Variants in NRXN3 observed in about 807,000 individuals in gnomAD.
NRXN3 encodes neurexin 3.
NRXN3 carries 32 observed loss-of-function variants against 137.6 expected under a neutral mutation model. That is an observed-to-expected ratio of 0.23 (90% CI 0.18 to 0.31). NRXN3 has a LOEUF of 0.31. Among genes scored for constraint, NRXN3 ranks in the 10% least tolerant of loss-of-function variants. NRXN3 has a pLI of 1.00. For synonymous variants in NRXN3, 798 were observed against 784.5 expected (o/e 1.02, Z -0.29); for missense variants, 1,574 against 2,062.5 (o/e 0.76, Z 4.59).
intron 20 of NRXN3, among the ~76,000 whole-genome samples, chr14:79,853,338 T>G (rs1160139839): frequency 6.6e-6 from 1 of 152,202 alleles, no homozygotes; most frequent in Non-Finnish European, 1.5e-5. Flanking sequence ...TTTGGCTATT[T>G]TTAGTAGGAA....
At chr14:78,735,717 C>A (rs750941028) in intron 8 of NRXN3, among the ~76,000 whole-genome samples, 6 of 152,128 alleles carry the variant, frequency 3.9e-5, no homozygotes, top group Non-Finnish European at 7.3e-5. Context: ...CAGTTGATAT[C>A]TTTAATTCAT....
intron 17 of NRXN3, 66 bp downstream of exon 17, chr14:79,664,015 T>C: frequency 3.3e-6 from 5 of 1,526,716 alleles, no homozygotes; most frequent in Non-Finnish European, 4.5e-6. Flanking sequence ...TCAGTGGTGA[T>C]TTTTCTCATG....
At chr14:79,734,330 G>A (rs924770361) in intron 19 of NRXN3, among the ~76,000 whole-genome samples, 6 of 152,140 alleles carry the variant, frequency 3.9e-5, no homozygotes, top group African/African-American at 1.4e-4. Flanking sequence ...GTGTCAACTT[G>A]GGAATGCTGA....
intron 8 of NRXN3, among the ~76,000 whole-genome samples, chr14:78,734,664 G>T (rs77711568): frequency 6.6e-6 from 1 of 152,300 alleles, no homozygotes; most frequent in Non-Finnish European, 1.5e-5. Flanking sequence ...CAGCTCCAGA[G>T]GGAATGATGC....
intron 4 of NRXN3, among the ~76,000 whole-genome samples, chr14:78,569,915 C>T (rs1161401034): frequency 6.6e-6 from 1 of 152,242 alleles, no homozygotes; most frequent in Non-Finnish European, 1.5e-5. Flanking sequence ...GCAGTTCTAA[C>T]AGTTGCTCAA....
At chr14:78,190,747 C>T (rs770451931) in intron 1 of NRXN3, among the ~76,000 whole-genome samples, 13 of 152,126 alleles carry the variant, frequency 8.5e-5, no homozygotes, top group African/African-American at 1.4e-4. Flanking sequence ...GATCTTGGCT[C>T]ACTGCAACCT....
At chr14:79,479,625 G>A (rs2096589585) in intron 16 of NRXN3, among the ~76,000 whole-genome samples, 1 of 152,004 alleles carries the variant, frequency 6.6e-6, no homozygotes, top group African/African-American at 2.4e-5. Flanking sequence ...ACTAGAGAAT[G>A]GAACACAGAA....
chr14:79,308,673 G>C lies in NRXN3; in HGVS notation c.3263-158548G>C, dbSNP rs899359517. 5.3e-5 allele frequency among the ~76,000 whole-genome samples: 8 copies of C among 151,966 alleles called. No individual in the cohort carries two copies. In the East Asian group the frequency reaches 1.6e-3, roughly 29 times the overall value. ...GAAAGATTTGATGTCTTGTGGAATG[G>C]TCTGAGAACCAGATGGAAGCTAGAT... On this transcript the variant is annotated intron_variant, in intron 15 of 20. Transcript: ENST00000335750.
chr14:78,191,139 G>T (rs2060690513), intron 1 of NRXN3, among the ~76,000 whole-genome samples: 2 of 152,128 alleles, frequency 1.3e-5, no homozygotes, highest in African/African-American at 4.8e-5. Context: ...CAGAAGAACT[G>T]TGTGTTTCAT....
At chr14:78,790,181 A>G (rs894773662) in intron 8 of NRXN3, among the ~76,000 whole-genome samples, 5 of 152,236 alleles carry the variant, frequency 3.3e-5, no homozygotes, top group Non-Finnish European at 7.3e-5. Flanking sequence ...TGGTAAATTG[A>G]AATTCTATTA....
At chr14:78,711,369 A>G (rs1370309799) in intron 7 of NRXN3, among the ~76,000 whole-genome samples, 1 of 150,802 alleles carries the variant, frequency 6.6e-6, no homozygotes, top group Non-Finnish European at 1.5e-5. Context: ...TTCAACAAAT[A>G]TGTTTGAATT....
intron 4 of NRXN3, among the ~76,000 whole-genome samples, chr14:78,333,569 AAG>A (rs1261813571): frequency 2.6e-5 from 4 of 152,148 alleles, no homozygotes; most frequent in African/African-American, 9.7e-5. Context: ...AGATCCGAGA[AAG>A]GGGGATTTGG....
chr14:79,255,201 G>T (rs957894544), intron 15 of NRXN3, among the ~76,000 whole-genome samples: 8 of 152,204 alleles, frequency 5.3e-5, no homozygotes, highest in Admixed American at 6.5e-5. Flanking sequence ...CACACTGTCA[G>T]GAGTGGCCCA....
At chr14:78,562,838 C>T (rs1482124287) in intron 4 of NRXN3, among the ~76,000 whole-genome samples, 2 of 152,174 alleles carry the variant, frequency 1.3e-5, no homozygotes, top group Admixed American at 6.5e-5. Flanking sequence ...GAGGAAAATC[C>T]TTAAGACTCT....
chr14:78,198,118 G>A (rs947936273), intron 1 of NRXN3, among the ~76,000 whole-genome samples: 26 of 152,240 alleles, frequency 1.7e-4, no homozygotes, highest in Non-Finnish European at 8.8e-5. Flanking sequence ...ACAGCTCTGG[G>A]TGGGGAAATG....
intron 15 of NRXN3, among the ~76,000 whole-genome samples, chr14:79,391,441 A>C (rs919776549): frequency 2.0e-5 from 3 of 152,218 alleles, no homozygotes; most frequent in Non-Finnish European, 4.4e-5. Context: ...AAATAAAGTT[A>C]ATAATTTTCA....
chr14:79,323,724 C>T (rs573252950), intron 15 of NRXN3, among the ~76,000 whole-genome samples: 11 of 151,706 alleles, frequency 7.3e-5, no homozygotes, highest in Non-Finnish European at 1.0e-4. Context: ...CCGGGCGTGG[C>T]GGTGTGCGCC....
chr14:78,434,508 G>A (rs1439901567), intron 4 of NRXN3, among the ~76,000 whole-genome samples: 2 of 152,104 alleles, frequency 1.3e-5, no homozygotes, highest in Non-Finnish European at 2.9e-5. Flanking sequence ...TGGGGTTTAG[G>A]ACTTCAGCAT....
chr14:78,419,227 C>A (rs2093315638), intron 4 of NRXN3, among the ~76,000 whole-genome samples: 1 of 152,116 alleles, frequency 6.6e-6, no homozygotes, highest in Admixed American at 6.5e-5. Context: ...TCTAGTCCAA[C>A]TTTTTAATTT....
Sources: allele counts gnomAD v4.1 joint callset (sites outside exome capture counted in the v4.1 genomes callset), GRCh38; gene constraint gnomAD v4.1.1; transcripts MANE v1.5; gene names NCBI Gene and HGNC (gene_info 2026-07-23, HGNC 2026-07-21).